The following RBFOX1 variants were observed in gnomAD, a reference collection of about 807,000 sequenced individuals.
RBFOX1 encodes RNA binding protein fox-1 homolog 1.
RBFOX1 carries 8 observed loss-of-function variants against 57.7 expected under a neutral mutation model. That is an observed-to-expected ratio of 0.14 (90% CI 0.08 to 0.25). The LOEUF is 0.25. RBFOX1 is among the 10% of genes least tolerant of loss of function. The pLI is 1.00. For missense variants in RBFOX1, 611 were observed against 548.5 expected (o/e 1.11, Z -1.14); for synonymous variants, 326 against 222.4 (o/e 1.47, Z -4.15).
At chr16:5,857,813 G>A (rs1034901635) in intron 3 of RBFOX1, among the ~76,000 whole-genome samples, 1 of 152,076 alleles carries the variant, frequency 6.6e-6, no homozygotes, top group Non-Finnish European at 1.5e-5. Context: ...AGGCATGGTG[G>A]TGAGTGCCTG....
chr16:6,226,406 C>G (rs914520242), intron 1 of RBFOX1, among the ~76,000 whole-genome samples: 4 of 144,556 alleles, frequency 2.8e-5, no homozygotes, highest in African/African-American at 1.0e-4. Context: ...AAAATATTTC[C>G]AATAAATTTT....
At chr16:7,108,885 C>A (rs761003683) in intron 4 of RBFOX1, among the ~76,000 whole-genome samples, 1 of 152,124 alleles carries the variant, frequency 6.6e-6, no homozygotes, top group Non-Finnish European at 1.5e-5. Context: ...TACTATGCAT[C>A]TGTGAAAAGA....
chr16:7,459,779 T>G (rs1305695853), intron 4 of RBFOX1, among the ~76,000 whole-genome samples: 1 of 152,202 alleles, frequency 6.6e-6, no homozygotes, highest in East Asian at 1.9e-4. Flanking sequence ...AATGTAGTTT[T>G]GGGATTTAAC....
At chr16:6,272,076 T>A (rs1019824089) in intron 1 of RBFOX1, among the ~76,000 whole-genome samples, 4 of 152,136 alleles carry the variant, frequency 2.6e-5, no homozygotes, top group Admixed American at 6.5e-5. Context: ...TTCAACAATA[T>A]ATAATAATAA....
chr16:7,215,378 T>C (rs560219561), intron 4 of RBFOX1, among the ~76,000 whole-genome samples: 146 of 152,322 alleles, frequency 9.6e-4, no homozygotes, highest in African/African-American at 3.5e-3. Context: ...TGTATGTTTA[T>C]TGCAGCAGTA....
At chr16:6,036,490 C>G (rs1014453509) in intron 1 of RBFOX1, among the ~76,000 whole-genome samples, 1 of 151,862 alleles carries the variant, frequency 6.6e-6, no homozygotes, top group Non-Finnish European at 1.5e-5. Flanking sequence ...ACTTGATGAA[C>G]CTATATGCAA....
chr16:7,641,520 G>C (rs985140927), intron 11 of RBFOX1, among the ~76,000 whole-genome samples: 1 of 152,180 alleles, frequency 6.6e-6, no homozygotes, highest in Non-Finnish European at 1.5e-5. Flanking sequence ...AGTTTTGTTT[G>C]TATGCAACAT....
At chr16:5,910,241 A>G (rs549824034) in intron 4 of RBFOX1, among the ~76,000 whole-genome samples, 1 of 152,208 alleles carries the variant, frequency 6.6e-6, no homozygotes, top group South Asian at 2.1e-4. Context: ...AGAGACCTCT[A>G]TATAGCCTGG....
At chr16:6,021,618 T>A (rs1336889566) in intron 1 of RBFOX1, among the ~76,000 whole-genome samples, 1 of 152,054 alleles carries the variant, frequency 6.6e-6, no homozygotes, top group Non-Finnish European at 1.5e-5. Flanking sequence ...TAAGTTAGCT[T>A]ATGGTTGCCT....
intron 3 of RBFOX1, among the ~76,000 whole-genome samples, chr16:6,816,771 G>T (rs562564551): frequency 4.6e-5 from 7 of 151,664 alleles, no homozygotes; most frequent in Non-Finnish European, 1.0e-4. Context: ...AAGAAACAGG[G>T]TGTTGTTCTG....
chr16:5,910,947 A>G (rs990463871), intron 4 of RBFOX1, among the ~76,000 whole-genome samples: 1 of 152,112 alleles, frequency 6.6e-6, no homozygotes, highest in African/African-American at 2.4e-5. Flanking sequence ...GTGTTCCCCA[A>G]AGGGATCAAG....
intron 1 of RBFOX1, among the ~76,000 whole-genome samples, chr16:6,248,413 A>G (rs1308324354): frequency 2.0e-5 from 3 of 152,124 alleles, no homozygotes; most frequent in Non-Finnish European, 4.4e-5. Flanking sequence ...TGGGCTGCCT[A>G]AAGATCTCTT....
At chr16:6,063,286 T>G (rs2095712078) in intron 1 of RBFOX1, among the ~76,000 whole-genome samples, 1 of 151,988 alleles carries the variant, frequency 6.6e-6, no homozygotes. Flanking sequence ...GACATTGAGT[T>G]TCAATTGAGT....
At chr16:5,908,631 A>G (rs752563314) in intron 4 of RBFOX1, among the ~76,000 whole-genome samples, 2 of 151,850 alleles carry the variant, frequency 1.3e-5, no homozygotes, top group Non-Finnish European at 2.9e-5. Context: ...GAGATTTATT[A>G]TTAATTACTA....
intron 4 of RBFOX1, among the ~76,000 whole-genome samples, chr16:5,997,905 T>A (rs1166455719): frequency 1.3e-5 from 2 of 152,166 alleles, no homozygotes; most frequent in Non-Finnish European, 2.9e-5. Flanking sequence ...GATGTTAGAG[T>A]ACATAACATG....
At chr16:7,475,620 C>G (rs1030840907) in intron 4 of RBFOX1, among the ~76,000 whole-genome samples, 1 of 151,906 alleles carries the variant, frequency 6.6e-6, no homozygotes, top group East Asian at 1.9e-4. Flanking sequence ...CTAGGATGGG[C>G]ATTCTTGTAG....
chr16:6,858,178 A>T (rs1440429415), intron 3 of RBFOX1, among the ~76,000 whole-genome samples: 1 of 152,224 alleles, frequency 6.6e-6, no homozygotes, highest in Non-Finnish European at 1.5e-5. Context: ...GAAATAGCTC[A>T]CTCATAAGTG....
rs540170513 is a variant in RBFOX1, at chr16:5,641,371, C to A, written c.318+42410C>A. Among the ~76,000 whole-genome samples the A allele has an allele frequency of 2.6e-5, 4 of 152,326 alleles. No individual in the cohort carries two copies. In the South Asian group the frequency reaches 8.3e-4, roughly 32 times the overall value. On this transcript the variant is annotated intron_variant, in intron 3 of 19. Transcript: ENST00000641259. ...GGAAAATTATGCAATAAACTACATA[C>A]ACAAGTAGATACCTGCTGCAGTGTC...
At chr16:7,269,415 A>T (rs1312014510) in intron 4 of RBFOX1, among the ~76,000 whole-genome samples, 1 of 152,092 alleles carries the variant, frequency 6.6e-6, no homozygotes, top group Non-Finnish European at 1.5e-5. Context: ...AAACATTTTG[A>T]TATTTCTCTT....
Sources: allele counts gnomAD v4.1 joint callset (sites outside exome capture counted in the v4.1 genomes callset), GRCh38; gene constraint gnomAD v4.1.1; transcripts MANE v1.5; gene names NCBI Gene and HGNC (gene_info 2026-07-23, HGNC 2026-07-21).